The following PNLIPRP3 variants were observed in gnomAD, a reference collection of about 807,000 sequenced individuals.
The protein encoded by PNLIPRP3 is pancreatic lipase related protein 3, also known as pancreatic lipase-related protein 3.
Under a neutral mutation model 52.8 loss-of-function variants are expected in PNLIPRP3, and 58 were observed. The ratio of observed to expected loss-of-function variants is 1.10; its 90% CI spans 0.89 to 1.37. The LOEUF is 1.37. Among genes scored for constraint, PNLIPRP3 ranks in the 40% most tolerant of loss-of-function variants. The pLI, the probability that PNLIPRP3 is intolerant of heterozygous loss-of-function variation, is 0.00. For missense variants in PNLIPRP3, 593 were observed against 561.6 expected (o/e 1.06, Z -0.57); for synonymous variants, 192 against 185.0 (o/e 1.04, Z -0.31).
rs146364024 is a variant in PNLIPRP3 at position 116,463,479 on chromosome 10, T to C, written c.808+2189T>C. Among the ~76,000 whole-genome samples the C allele has an allele frequency of 3.9e-3, 596 of 152,288 alleles. 6 individuals are homozygous for C. Among genetic ancestry groups the C allele is most frequent in the African/African-American group, 0.014 (568 of 41,548 alleles). ...GATTTCATAATATTGCAACTGGGTT[T>C]CAGGACAGTAAGAGTGGATGCTGGA... On this transcript the variant is annotated intron_variant, in intron 7 of 11. Transcript: ENST00000369230.
chr10:116,437,758 A>G (rs576934821), intron 2 of PNLIPRP3, among the ~76,000 whole-genome samples: 14 of 152,290 alleles, frequency 9.2e-5, no homozygotes, highest in Non-Finnish European at 1.5e-4. Context: ...CACTAGCCAC[A>G]TGTGACTATT....
chr10:116,443,308 C>A, intron 3 of PNLIPRP3, 134 bp downstream of exon 3: 1 of 960,546 alleles, frequency 1.0e-6, no homozygotes, highest in Non-Finnish European at 1.4e-6. Flanking sequence ...TGTTCTGGGG[C>A]CTCAAATTAG....
At chr10:116,441,545 G>A (rs1316100015) in intron 2 of PNLIPRP3, among the ~76,000 whole-genome samples, 1 of 152,146 alleles carries the variant, frequency 6.6e-6, no homozygotes, top group Non-Finnish European at 1.5e-5. Flanking sequence ...TCATGTTTTT[G>A]TACTTGGATT....
At chr10:116,432,264 GT>G (rs1204977361) in intron 1 of PNLIPRP3, among the ~76,000 whole-genome samples, 1 of 152,162 alleles carries the variant, frequency 6.6e-6, no homozygotes, top group African/African-American at 2.4e-5. Context: ...CCTGCTCACA[GT>G]AAGATAGAGA....
chr10:116,465,195 G>C lies in PNLIPRP3; in HGVS notation c.809-855G>C, dbSNP rs370369793. On this transcript the variant is annotated intron_variant, in intron 7 of 11. Transcript: ENST00000369230. ...GGCTTTTTATAGGCTCAGAATGAGG[G>C]AGGTGTTGGCTGTAGGTAGCCTTGG... is the stretch of plus-strand genomic sequence containing the variant. Among the ~76,000 whole-genome samples the C allele has an allele frequency of 4.6e-5, 7 of 152,260 alleles. No individual in the cohort carries two copies. The East Asian group carries it at 1.2e-3, about 25-fold the overall frequency.
rs555854900 is a variant in PNLIPRP3 at position 116,428,157 on chromosome 10, T to C, written c.49+96T>C. On this transcript the variant is annotated intron_variant, in intron 1 of 11. Transcript: ENST00000369230. ...TGAACTTATTCTTTAGAAATTACTA[T>C]TGCTAATTTCATTCTTAAGTAGTTT... 51 of 881,330 alleles carry C rather than the reference T, an allele frequency of 5.8e-5. No homozygotes were observed. The East Asian group carries it at 1.4e-3, about 24-fold the overall frequency. 54.6% of individuals were successfully genotyped at this position (881,330 alleles called of 1,614,324 possible).
rs779077069 is a variant in PNLIPRP3 at position 116,443,113 on chromosome 10, T to C, written c.263T>C (p.Ile88Thr). The change falls in exon 3 of 12, where the codon ATC becomes ACC. Residue 88 changes from isoleucine (I) to threonine (T), a missense_variant. Physicochemically the swap from Ile to Thr is moderately conservative, Grantham distance 89. Coordinates refer to ENST00000369230, the MANE Select transcript of PNLIPRP3 (RefSeq NM_001011709.3). Reference sequence around the variant, plus strand: ...GCCTCATATTTTGGAACAGACAAGATCACCCGTATCAACATAGCTGGATGG... The same window carrying C: ...GCCTCATATTTTGGAACAGACAAGACCACCCGTATCAACATAGCTGGATGG... ...IQASYFGTDK[I>T]TRINIAGWKT... The C allele has an allele frequency of 6.2e-7, 1 of 1,611,726 alleles. No individual in the cohort carries two copies. Among genetic ancestry groups the C allele is most frequent in the South Asian group, 1.1e-5 (1 of 90,912 alleles).
At chr10:116,439,123 G>A (rs1411579587) in intron 2 of PNLIPRP3, among the ~76,000 whole-genome samples, 1 of 152,166 alleles carries the variant, frequency 6.6e-6, no homozygotes, top group African/African-American at 2.4e-5. Flanking sequence ...GCATGACAAT[G>A]TGAATGACTT....
intron 11 of PNLIPRP3, 27 bp from the exon 12 acceptor site, chr10:116,477,063 C>CTT (rs760578584): frequency 6.9e-6 from 9 of 1,311,856 alleles, no homozygotes; most frequent in South Asian, 4.2e-5. Context: ...GTTAAAATTC[C>CTT]TTTTTTTTTT....
At chr10:116,445,166 T>C (rs1283105793) in intron 4 of PNLIPRP3, among the ~76,000 whole-genome samples, 1 of 152,176 alleles carries the variant, frequency 6.6e-6, no homozygotes, top group African/African-American at 2.4e-5. Flanking sequence ...GCACTTACTG[T>C]GGGCTAGGCA....
chr10:116,429,515 C>T (rs1267075677), intron 1 of PNLIPRP3, among the ~76,000 whole-genome samples: 1 of 152,156 alleles, frequency 6.6e-6, no homozygotes, highest in East Asian at 1.9e-4. Context: ...CATCTTGGCG[C>T]TAGCTTGTGG....
chr10:116,465,865 A>G (rs998563644), intron 7 of PNLIPRP3, among the ~76,000 whole-genome samples, 185 bp from the exon 8 acceptor site: 65 of 152,222 alleles, frequency 4.3e-4, no homozygotes, highest in African/African-American at 1.5e-3. Context: ...TTTGAGTCAC[A>G]TAATTCTTTG....
chr10:116,433,114 CAAAAAAAAAA>C (rs71010080), intron 1 of PNLIPRP3, among the ~76,000 whole-genome samples: 13 of 8,502 alleles, frequency 1.5e-3, no homozygotes, highest in Admixed American at 6.5e-3. Context: ...AACTCCATCT[CAAAAAAAAAA>C]AAAAAAAAAA....
chr10:116,439,380 C>G (rs1845824905), intron 2 of PNLIPRP3: 1 of 517,462 alleles, frequency 1.9e-6, no homozygotes, highest in Non-Finnish European at 3.5e-6. Context: ...GCAACAGACA[C>G]TTCTCAGATA....
intron 10 of PNLIPRP3, 124 bp from the exon 11 acceptor site, chr10:116,476,528 T>A: frequency 1.4e-6 from 1 of 704,930 alleles, no homozygotes; most frequent in South Asian, 3.0e-5. Flanking sequence ...AAAGAATAAA[T>A]CTCCTACAAG....
At chr10:116,428,349 G>A (rs1845666327) in intron 1 of PNLIPRP3, among the ~76,000 whole-genome samples, 1 of 152,020 alleles carries the variant, frequency 6.6e-6, no homozygotes, top group South Asian at 2.1e-4. Flanking sequence ...AGAGTTGCCG[G>A]ACAGTCTTGT....
intron 1 of PNLIPRP3, among the ~76,000 whole-genome samples, chr10:116,434,253 T>C (rs1406172175): frequency 6.6e-6 from 1 of 152,158 alleles, no homozygotes. Flanking sequence ...AATAAGAAAA[T>C]TAAAACCACT....
chr10:116,461,289 A>T lies in PNLIPRP3; in HGVS notation c.807A>T (p.Lys269Asn), dbSNP rs537229443. The change falls in exon 7 of 12, where the codon AAA becomes AAT. Residue 269 changes from lysine (K) to asparagine (N), a missense_variant and splice_region_variant. Physicochemically the swap from Lys to Asn is moderately conservative, Grantham distance 94. Transcript: ENST00000369230. ...AATTTAACTTCAATGCTTACAAAAA[A>T]GGTAAATACTTTCTAAACTATGAAT... ...LLKFNFNAYK[K>N]EMASFFDCNH... The T allele has an allele frequency of 6.2e-7, 1 of 1,611,672 alleles. No individual in the cohort carries two copies. The highest frequency in any genetic ancestry group is 2.2e-5 in the East Asian group (1 of 44,858).
chr10:116,457,923 A>G (rs1787080899), intron 5 of PNLIPRP3, among the ~76,000 whole-genome samples: 1 of 152,206 alleles, frequency 6.6e-6, no homozygotes, highest in Admixed American at 6.5e-5. Flanking sequence ...AATTAATATT[A>G]TGTGGATGTT....
Sources: gnomAD v4.1 joint callset for allele counts (sites outside exome capture counted in the v4.1 genomes callset) on GRCh38, gnomAD v4.1.1 for gene constraint, MANE v1.5 for transcripts, NCBI Gene and HGNC (gene_info 2026-07-23, HGNC 2026-07-21) for gene names.